DGKH: variants seen among roughly 807,000 people sequenced by gnomAD.
DGKH encodes the protein diacylglycerol kinase eta, also known as DAG kinase eta.
Under a neutral mutation model 159.3 loss-of-function variants are expected in DGKH, and 90 were observed. The observed-to-expected ratio is 0.57, with a 90% CI of 0.48 to 0.67. The LOEUF (loss-of-function observed/expected upper bound fraction) is 0.67, where lower values mean the gene tolerates loss of function less well. Ranked by LOEUF, DGKH falls within the 30% of genes least tolerant of loss-of-function variation. The pLI, the probability that DGKH is intolerant of heterozygous loss-of-function variation, is 0.00. For missense variants in DGKH, 1,181 were observed against 1,506.1 expected (o/e 0.78, Z 3.57); for synonymous variants, 536 against 553.8 (o/e 0.97, Z 0.45).
At chr13:42,201,037 C>T (rs1247023317) in intron 20 of DGKH, among the ~76,000 whole-genome samples, 7 of 151,884 alleles carry the variant, frequency 4.6e-5, no homozygotes, top group African/African-American at 7.3e-5. Context: ...CTGTCAACCA[C>T]GCTGCAGTGT....
At chr13:42,145,792 A>C (rs905995020) in intron 3 of DGKH, among the ~76,000 whole-genome samples, 3 of 152,164 alleles carry the variant, frequency 2.0e-5, no homozygotes, top group Non-Finnish European at 4.4e-5. Context: ...GCATAACACT[A>C]TTTAGTATGA....
intron 16 of DGKH, among the ~76,000 whole-genome samples, chr13:42,193,135 A>G (rs1957124524): frequency 6.6e-6 from 1 of 152,142 alleles, no homozygotes; most frequent in Admixed American, 6.5e-5. Flanking sequence ...GTTTTCATCT[A>G]TTAGAAAGTG....
At chr13:42,139,059 T>C (rs1031734281) in intron 3 of DGKH, among the ~76,000 whole-genome samples, 1 of 152,214 alleles carries the variant, frequency 6.6e-6, no homozygotes, top group African/African-American at 2.4e-5. Flanking sequence ...TCTTTTTATT[T>C]AGTGATATAG....
At chr13:42,065,184 G>C (rs901957575) in intron 1 of DGKH, among the ~76,000 whole-genome samples, 9 of 152,166 alleles carry the variant, frequency 5.9e-5, no homozygotes, top group Admixed American at 2.0e-4. Flanking sequence ...CCAGTCACAG[G>C]GAAAGAATTC....
intron 9 of DGKH, among the ~76,000 whole-genome samples, 165 bp downstream of exon 9, chr13:42,166,839 G>A (rs1256458680): frequency 1.3e-5 from 2 of 152,126 alleles, no homozygotes; most frequent in East Asian, 1.9e-4. Flanking sequence ...TTATACAACT[G>A]TCTTGTATAA....
intron 29 of DGKH, among the ~76,000 whole-genome samples, chr13:42,252,231 C>A (rs1007554676): frequency 2.0e-5 from 3 of 151,792 alleles, no homozygotes; most frequent in African/African-American, 7.3e-5. Context: ...GTAATAGTGG[C>A]AATCTTTTCT....
intron 1 of DGKH, among the ~76,000 whole-genome samples, chr13:42,123,607 C>T (rs1443938885): frequency 6.6e-6 from 1 of 151,864 alleles, no homozygotes; most frequent in East Asian, 1.9e-4. Context: ...AAATATCTTG[C>T]ATCCAGAATA....
chr13:42,203,085 T>C (rs1481294803), intron 20 of DGKH, among the ~76,000 whole-genome samples: 1 of 152,166 alleles, frequency 6.6e-6, no homozygotes, highest in East Asian at 1.9e-4. Flanking sequence ...ATAATCTGTA[T>C]CTTTTTAAAA....
rs1956539991 is a variant in DGKH, at chr13:42,174,074, C to T, written c.1382C>T (p.Thr461Ile). ...TKMLDRWSIM[T>I]YELKLPPKAS... is the part of the protein sequence containing the mutation. The stretch of plus-strand genomic sequence containing the variant: ...TCTCCCTTCAGGTGGAGTATAATGA[C>T]ATATGAACTCAAATTGCCACCAAAA... Residue 461 changes from threonine to isoleucine, a missense_variant, in exon 12 of 30, where the codon ACA becomes ATA. By Grantham distance (89) the Thr-to-Ile change is moderately conservative. Coordinates refer to ENST00000337343, the MANE Select transcript of DGKH (RefSeq NM_178009.5). 1.9e-6 allele frequency: 3 copies of T among 1,613,354 alleles called. No individual in the cohort carries two copies. Among genetic ancestry groups the T allele is most frequent in the Admixed American group, 3.3e-5 (2 of 59,948 alleles).
intron 1 of DGKH, among the ~76,000 whole-genome samples, chr13:42,083,580 C>G (rs779394741): frequency 1.3e-5 from 2 of 152,108 alleles, no homozygotes; most frequent in Non-Finnish European, 2.9e-5. Flanking sequence ...CCTTCCCTGC[C>G]CTGGGGTATA....
intron 9 of DGKH, among the ~76,000 whole-genome samples, chr13:42,167,120 AAG>A (rs1424241942): frequency 2.6e-5 from 4 of 152,202 alleles, no homozygotes; most frequent in Non-Finnish European, 4.4e-5. Context: ...ATAAATGACA[AAG>A]AAATACTTTA....
intron 5 of DGKH, among the ~76,000 whole-genome samples, chr13:42,157,868 T>C (rs905563085): frequency 6.6e-6 from 1 of 152,236 alleles, no homozygotes; most frequent in African/African-American, 2.4e-5. Context: ...GCAATTCTTA[T>C]GTCTCATAAG....
chr13:42,126,152 A>G (rs777403358), intron 1 of DGKH, among the ~76,000 whole-genome samples: 10 of 152,158 alleles, frequency 6.6e-5, no homozygotes, highest in Non-Finnish European at 1.3e-4. Flanking sequence ...ATGAAACATT[A>G]AATTTAACTT....
intron 11 of DGKH, among the ~76,000 whole-genome samples, chr13:42,170,465 G>A (rs1190410910): frequency 6.6e-6 from 1 of 152,040 alleles, no homozygotes; most frequent in Non-Finnish European, 1.5e-5. Context: ...TTCTCCAGGT[G>A]GTTAGCCAAG....
At chr13:42,121,278 T>G (rs1955066370) in intron 1 of DGKH, among the ~76,000 whole-genome samples, 1 of 152,222 alleles carries the variant, frequency 6.6e-6, no homozygotes, top group African/African-American at 2.4e-5. Context: ...ATTCAATACT[T>G]TATTAGAAAA....
intron 1 of DGKH, among the ~76,000 whole-genome samples, chr13:42,063,374 C>T (rs1882322867): frequency 2.0e-5 from 3 of 152,138 alleles, no homozygotes; most frequent in East Asian, 1.9e-4. Flanking sequence ...AAAAGTCAGA[C>T]ATCAGGGGAG....
At chr13:42,174,208 AAGAG>A (rs1451056394) in intron 12 of DGKH, 64 bp downstream of exon 12, 28 of 1,325,062 alleles carry the variant, frequency 2.1e-5, no homozygotes, top group Middle Eastern at 1.9e-4. Flanking sequence ...AAAAAAAAGA[AAGAG>A]AGAGAAAATG....
intron 1 of DGKH, among the ~76,000 whole-genome samples, chr13:42,084,175 T>C (rs1490315063): frequency 1.3e-5 from 2 of 152,240 alleles, no homozygotes; most frequent in Non-Finnish European, 1.5e-5. Flanking sequence ...TAGACATTTA[T>C]ACATATATGT....
intron 1 of DGKH, among the ~76,000 whole-genome samples, chr13:42,115,105 G>A (rs148035703): frequency 6.6e-6 from 1 of 152,182 alleles, no homozygotes; most frequent in Non-Finnish European, 1.5e-5. Flanking sequence ...TGGTGGAGGC[G>A]GAAGTGGAAC....
Sources: allele counts gnomAD v4.1 joint callset (sites outside exome capture counted in the v4.1 genomes callset), GRCh38; gene constraint gnomAD v4.1.1; transcripts MANE v1.5; gene names NCBI Gene and HGNC (gene_info 2026-07-23, HGNC 2026-07-21).